Variants in CCDC171 observed in about 807,000 individuals in gnomAD.
The protein encoded by CCDC171 is coiled-coil domain-containing protein 171.
CCDC171 carries 177 observed loss-of-function variants against 168.2 expected under a neutral mutation model. That is an observed-to-expected ratio of 1.05 (90% CI 0.93 to 1.19). CCDC171 has a LOEUF of 1.19. Ranked by LOEUF, CCDC171 falls within the 50% of genes most tolerant of loss-of-function variation. The pLI is 0.00. For missense variants in CCDC171, 1,991 were observed against 1,539.0 expected, an observed-to-expected ratio of 1.29 and a Z score of -4.91; for synonymous variants, 687 against 540.8, an observed-to-expected ratio of 1.27 and a Z score of -3.75.
chr9:15,677,080 C>T (rs10810426), intron 9 of CCDC171, among the ~76,000 whole-genome samples: 69,058 of 151,888 alleles, frequency 0.45, 16,002 homozygotes, highest in Non-Finnish European at 0.5. Context: ...AGGTTCTTGT[C>T]GAGCTCTTTC....
intron 24 of CCDC171, among the ~76,000 whole-genome samples, chr9:15,912,930 T>G (rs1329908704): frequency 6.6e-6 from 1 of 152,238 alleles, no homozygotes; most frequent in African/African-American, 2.4e-5. Flanking sequence ...TGCTGCTGGA[T>G]TCGGTTTGCC....
At chr9:15,882,745 G>A (rs911542743) in intron 24 of CCDC171, among the ~76,000 whole-genome samples, 17 of 151,564 alleles carry the variant, frequency 1.1e-4, no homozygotes, top group Admixed American at 3.3e-4. Context: ...TTAGCTTTGC[G>A]TATCAGCTAT....
intron 7 of CCDC171, among the ~76,000 whole-genome samples, chr9:15,633,341 C>A (rs1370722769): frequency 2.6e-5 from 4 of 152,146 alleles, no homozygotes; most frequent in Non-Finnish European, 5.9e-5. Flanking sequence ...AAACAAACAA[C>A]CCCATCAAAA....
intron 3 of CCDC171, among the ~76,000 whole-genome samples, chr9:15,981,282 G>A (rs1253484680): frequency 2.0e-5 from 3 of 147,026 alleles, no homozygotes; most frequent in African/African-American, 8.2e-5. Flanking sequence ...GGCTTTATAT[G>A]CAAAGAGAGA....
At chr9:15,946,342 G>T (rs1040443731) in intron 25 of CCDC171, among the ~76,000 whole-genome samples, 1 of 151,946 alleles carries the variant, frequency 6.6e-6, no homozygotes, top group Non-Finnish European at 1.5e-5. Flanking sequence ...CAAAATCAAT[G>T]TGCAAAAATC....
At chr9:15,923,839 T>C (rs1354120660) in intron 25 of CCDC171, among the ~76,000 whole-genome samples, 1 of 151,432 alleles carries the variant, frequency 6.6e-6, no homozygotes, top group Admixed American at 6.6e-5. Flanking sequence ...GTTATTGTTA[T>C]TAGTTTAGTG....
At chr9:15,974,743 C>A (rs2132848489), downstream of CCDC171, among the ~76,000 whole-genome samples, 1 of 152,248 alleles carries the variant, frequency 6.6e-6, no homozygotes, top group Admixed American at 6.5e-5. Context: ...ATAGAATGAT[C>A]ACTTTAATTT....
intron 18 of CCDC171, among the ~76,000 whole-genome samples, chr9:15,749,019 G>A (rs1312043387): frequency 6.6e-6 from 1 of 152,058 alleles, no homozygotes; most frequent in Non-Finnish European, 1.5e-5. Flanking sequence ...GATTCAGACT[G>A]GTAAATTGGA....
intron 7 of CCDC171, among the ~76,000 whole-genome samples, chr9:15,640,152 T>C (rs1161288280): frequency 6.6e-6 from 1 of 152,216 alleles, no homozygotes; most frequent in South Asian, 2.1e-4. Flanking sequence ...TTTGTTTTTA[T>C]GCAGTCACAT....
intron 3 of CCDC171, among the ~76,000 whole-genome samples, chr9:15,983,567 G>C (rs1419920334): frequency 6.8e-6 from 1 of 147,188 alleles, no homozygotes; most frequent in African/African-American, 2.5e-5. Context: ...TGGCTAGTAG[G>C]TTCTTAGCAC....
At chr9:15,633,355 G>C (rs970390919) in intron 7 of CCDC171, among the ~76,000 whole-genome samples, 1 of 151,986 alleles carries the variant, frequency 6.6e-6, no homozygotes, top group African/African-American at 2.4e-5. Context: ...ATCAAAAACG[G>C]GGCAAAGGAC....
chr9:16,038,520 G>C (rs1054764911), upstream of CCDC171, among the ~76,000 whole-genome samples: 2 of 151,930 alleles, frequency 1.3e-5, no homozygotes, highest in Non-Finnish European at 2.9e-5. Flanking sequence ...AAAAATGTAA[G>C]GGTAACATCT....
chr9:15,938,229 C>A (rs937381036), intron 25 of CCDC171, among the ~76,000 whole-genome samples: 1 of 151,616 alleles, frequency 6.6e-6, no homozygotes, highest in Non-Finnish European at 1.5e-5. Context: ...TAGACTGGAA[C>A]CATTATCTGT....
At chr9:16,001,923 G>T (rs1276332981) in intron 3 of CCDC171, among the ~76,000 whole-genome samples, 1 of 145,972 alleles carries the variant, frequency 6.9e-6, no homozygotes, top group Admixed American at 7.0e-5. Flanking sequence ...CTGCAGCCTT[G>T]ACTTACTGTG....
rs982913764 is a variant in CCDC171 at position 15,938,442 on chromosome 9, A to AT, written c.3753+18029dup. The stretch of plus-strand genomic sequence containing the variant: ...CAGTTTTCTACGAAAAAAAATCCTA[A>AT]TTTTTTTTTCTTTTAAAAAATGACT... On this transcript the variant is annotated intron_variant, in intron 25 of 25. Transcript: ENST00000380701. Among the ~76,000 whole-genome samples the AT allele has an allele frequency of 4.6e-5, 7 of 151,280 alleles. No homozygotes were observed. The East Asian group carries it at 5.9e-4, about 13-fold the overall frequency.
At chr9:15,604,284 G>C (rs962851973) in intron 6 of CCDC171, among the ~76,000 whole-genome samples, 2 of 152,002 alleles carry the variant, frequency 1.3e-5, no homozygotes, top group Admixed American at 6.6e-5. Flanking sequence ...TTTTGCTTCT[G>C]TTGCAATTGC....
At chr9:15,635,331 A>G (rs1262570594) in intron 7 of CCDC171, among the ~76,000 whole-genome samples, 2 of 152,166 alleles carry the variant, frequency 1.3e-5, no homozygotes, top group Admixed American at 6.5e-5. Context: ...CTTTGGAGAA[A>G]TAGCTATTTA....
At chr9:15,825,512 T>A (rs990437168) in intron 21 of CCDC171, among the ~76,000 whole-genome samples, 1 of 152,180 alleles carries the variant, frequency 6.6e-6, no homozygotes, top group African/African-American at 2.4e-5. Flanking sequence ...AGAGTTTTAA[T>A]AAATTGGTCC....
chr9:15,962,254 C>T (rs78517523), intron 25 of CCDC171, among the ~76,000 whole-genome samples: 1,963 of 152,258 alleles, frequency 0.013, 60 homozygotes, highest in African/African-American at 0.044. Flanking sequence ...TAGACCCAAG[C>T]ATTTGTCCAT....
Sources: gnomAD v4.1 joint callset for allele counts (sites outside exome capture counted in the v4.1 genomes callset) on GRCh38, gnomAD v4.1.1 for gene constraint, MANE v1.5 for transcripts, NCBI Gene and HGNC (gene_info 2026-07-23, HGNC 2026-07-21) for gene names.